RNF180: variants seen among roughly 807,000 people sequenced by gnomAD.
RNF180 encodes the protein E3 ubiquitin-protein ligase RNF180.
A neutral mutation model predicts 59.2 loss-of-function variants in RNF180; 38 were observed. That is an observed-to-expected ratio of 0.64 (90% CI 0.50 to 0.84). RNF180 has a LOEUF of 0.84. Ranked by LOEUF, RNF180 falls within the 40% of genes least tolerant of loss-of-function variation. The probability of loss-of-function intolerance (pLI) is 0.00; values close to 1 mark genes in which losing one functional copy is unlikely to be tolerated. For synonymous variants in RNF180, 262 were observed against 240.3 expected, an observed-to-expected ratio of 1.09 and a Z score of -0.84; for missense variants, 705 against 700.9, an observed-to-expected ratio of 1.01 and a Z score of -0.07.
intron 5 of RNF180, among the ~76,000 whole-genome samples, chr5:64,304,181 C>T (rs1397971747): frequency 6.6e-6 from 1 of 151,548 alleles, no homozygotes; most frequent in East Asian, 1.9e-4. Flanking sequence ...GACAGTGTAC[C>T]TAGTCACCAG....
At chr5:64,329,372 A>G (rs1412214289) in intron 6 of RNF180, among the ~76,000 whole-genome samples, 4 of 152,200 alleles carry the variant, frequency 2.6e-5, no homozygotes, top group African/African-American at 9.6e-5. Flanking sequence ...AGTTTTCCCA[A>G]GGAATTAAGC....
At chr5:64,343,647 G>A (rs966586012) in intron 7 of RNF180, among the ~76,000 whole-genome samples, 1 of 151,652 alleles carries the variant, frequency 6.6e-6, no homozygotes, top group African/African-American at 2.4e-5. Flanking sequence ...CAAGAAGCAA[G>A]GATGACTGAC....
At chr5:64,188,162 C>T (rs1409091778) in intron 1 of RNF180, among the ~76,000 whole-genome samples, 1 of 152,172 alleles carries the variant, frequency 6.6e-6, no homozygotes, top group African/African-American at 2.4e-5. Flanking sequence ...CTCATGTTAA[C>T]AGCCACGGAT....
chr5:64,165,352 C>T (rs80134281), upstream of RNF180, among the ~76,000 whole-genome samples: 485 of 152,140 alleles, frequency 3.2e-3, 1 homozygote, highest in African/African-American at 0.012. Flanking sequence ...AATCTCCTTG[C>T]ACATCGGTGG....
intron 5 of RNF180, among the ~76,000 whole-genome samples, chr5:64,225,918 T>C (rs1422465812): frequency 1.7e-5 from 2 of 115,442 alleles, no homozygotes; most frequent in East Asian, 6.0e-4. Context: ...GGCCACCCCA[T>C]CTGGGAAGTG....
At chr5:64,297,394 T>C (rs1742939393) in intron 5 of RNF180, among the ~76,000 whole-genome samples, 1 of 152,084 alleles carries the variant, frequency 6.6e-6, no homozygotes, top group African/African-American at 2.4e-5. Context: ...AGTTGAATTT[T>C]ATTTCTAATT....
chr5:64,319,390 T>C (rs1744228284), intron 5 of RNF180, among the ~76,000 whole-genome samples: 1 of 152,180 alleles, frequency 6.6e-6, no homozygotes, highest in Admixed American at 6.5e-5. Flanking sequence ...ACTATTGTGT[T>C]AATGTTTAAT....
intron 5 of RNF180, among the ~76,000 whole-genome samples, chr5:64,238,204 A>G (rs979874786): frequency 2.0e-5 from 3 of 152,164 alleles, no homozygotes; most frequent in Admixed American, 2.0e-4. Flanking sequence ...AGTACCCATT[A>G]TATGTTTATC....
chr5:64,307,420 G>A (rs74333762), intron 5 of RNF180, among the ~76,000 whole-genome samples: 7,446 of 151,448 alleles, frequency 0.049, 610 homozygotes, highest in African/African-American at 0.16. Flanking sequence ...TTAATTAAAA[G>A]ACATGGTTGA....
chr5:64,310,155 G>A (rs1743690009), intron 5 of RNF180, among the ~76,000 whole-genome samples: 3 of 151,678 alleles, frequency 2.0e-5, no homozygotes. Flanking sequence ...CCTCAACAAA[G>A]TATTAGCAAA....
At chr5:64,272,925 A>G (rs1368143813) in intron 5 of RNF180, among the ~76,000 whole-genome samples, 1 of 152,040 alleles carries the variant, frequency 6.6e-6, no homozygotes. Context: ...GAAAATATCC[A>G]AAAGACACTT....
intron 7 of RNF180, among the ~76,000 whole-genome samples, chr5:64,342,936 A>G (rs973058207): frequency 2.6e-5 from 4 of 152,146 alleles, no homozygotes; most frequent in Admixed American, 1.3e-4. Flanking sequence ...GAGTATAATG[A>G]AAGTACAACC....
At chr5:64,248,274 A>G (rs1220917219) in intron 5 of RNF180, among the ~76,000 whole-genome samples, 1 of 152,204 alleles carries the variant, frequency 6.6e-6, no homozygotes, top group Non-Finnish European at 1.5e-5. Flanking sequence ...AATTAAACTA[A>G]AGAGCTTCTG....
intron 1 of RNF180, among the ~76,000 whole-genome samples, chr5:64,188,739 T>A (rs547653025): frequency 6.6e-6 from 1 of 152,292 alleles, no homozygotes; most frequent in South Asian, 2.1e-4. Context: ...GTGACTTTAT[T>A]CTATGCAGGA....
At chr5:64,358,285 G>A (rs548758099) in intron 7 of RNF180, among the ~76,000 whole-genome samples, 71 of 151,934 alleles carry the variant, frequency 4.7e-4, no homozygotes, top group Middle Eastern at 3.4e-3. Context: ...CCTCTATCCA[G>A]AAACAACACA....
chr5:64,352,964 C>A (rs1473186765), intron 7 of RNF180, among the ~76,000 whole-genome samples: 1 of 151,736 alleles, frequency 6.6e-6, no homozygotes, highest in East Asian at 1.9e-4. Context: ...ACATATCTAT[C>A]CTAAATGACT....
chr5:64,332,483 T>C (rs1026524515), intron 7 of RNF180, among the ~76,000 whole-genome samples: 2 of 152,152 alleles, frequency 1.3e-5, no homozygotes, highest in Non-Finnish European at 2.9e-5. Flanking sequence ...TTCAGCGATA[T>C]CATAGGATCT....
intron 1 of RNF180, among the ~76,000 whole-genome samples, chr5:64,186,733 T>G (rs1312438486): frequency 6.6e-6 from 1 of 152,184 alleles, no homozygotes; most frequent in Non-Finnish European, 1.5e-5. Flanking sequence ...TATCATGTCC[T>G]GGATTGCTCA....
chr5:64,307,779 C>A (rs1414176270), intron 5 of RNF180, among the ~76,000 whole-genome samples: 1 of 151,638 alleles, frequency 6.6e-6, no homozygotes, highest in Non-Finnish European at 1.5e-5. Flanking sequence ...TTGAATACTG[C>A]ACAGAATGTG....
Sources: gnomAD v4.1 joint callset for allele counts (sites outside exome capture counted in the v4.1 genomes callset) on GRCh38, gnomAD v4.1.1 for gene constraint, MANE v1.5 for transcripts, NCBI Gene and HGNC (gene_info 2026-07-23, HGNC 2026-07-21) for gene names.